ONECUT3: variants seen among roughly 807,000 people sequenced by gnomAD.
ONECUT3 encodes one cut homeobox 3, also known as one cut domain family member 3.
ONECUT3 carries 11 observed loss-of-function variants against 16.8 expected under a neutral mutation model. That is an observed-to-expected ratio of 0.66 (90% confidence interval 0.41 to 1.09). The LOEUF is 1.09. ONECUT3 is among the 50% of genes least tolerant of loss of function. The pLI is 0.00. For missense variants in ONECUT3, 637 were observed against 629.9 expected, an observed-to-expected ratio of 1.01 and a Z score of -0.12; for synonymous variants, 344 against 310.7, an observed-to-expected ratio of 1.11 and a Z score of -1.13.
rs2067934857 is a variant in ONECUT3 at position 1,759,495 on chromosome 19, G to A, written c.1192+4641G>A. Among the ~76,000 whole-genome samples, 1 of 151,982 alleles carries A rather than the reference G, an allele frequency of 6.6e-6. No homozygotes were observed. The highest frequency in any genetic ancestry group is 6.6e-5 in the Admixed American group (1 of 15,248). On this transcript the variant is annotated intron_variant, in intron 1 of 1. Transcript: ENST00000382349. The surrounding 1 kb of genome is among the most constrained non-coding windows in gnomAD (Gnocchi z 4.1). ...ATGAGCAGGGAGAGGAGGAGGAGGA[G>A]GAGAGGGAAGGGAGGGAAGGAAGGG... is the stretch of plus-strand genomic sequence containing the variant.
In ONECUT3 at chr19:1,775,915, TC is replaced by T. The variant is rs908015382; in HGVS notation, c.*474del. On this transcript the variant is annotated 3_prime_UTR_variant, in exon 2 of 2. Transcript: ENST00000382349. ...GGGAGGTAGTAGAAAACTTCCTTCC[TC>T]CCCACCCGCCCCGGCCCCCTCCCCA... 2.0e-5 allele frequency: 3 copies of T among 146,526 alleles called. No individual in the cohort carries two copies. The highest frequency in any genetic ancestry group is 7.6e-5 in the African/African-American group (3 of 39,490). 9.1% of individuals were successfully genotyped at this position (146,526 alleles called of 1,614,324 possible).
In ONECUT3 at chr19:1,766,326, G is replaced by A. The variant is rs533463417; in HGVS notation, c.1193-8827G>A. On this transcript the variant is annotated intron_variant, in intron 1 of 1. Transcript: ENST00000382349. This position sits in a 1 kb window ranked among gnomAD's most constrained non-coding sequence, Gnocchi z 4.0. Reference sequence around the variant, plus strand: ...CCCGCACGCGGCCAACGTCAGGCGCGCGCAGAGGCACCCACGGGCCCGCCT... The same window carrying A: ...CCCGCACGCGGCCAACGTCAGGCGCACGCAGAGGCACCCACGGGCCCGCCT... 2.4e-4 allele frequency among the ~76,000 whole-genome samples: 37 copies of A among 152,292 alleles called. No homozygotes were observed. The East Asian group carries it at 6.8e-3, about 28-fold the overall frequency.
intron 1 of ONECUT3, among the ~76,000 whole-genome samples, chr19:1,772,301 C>A (rs2068062508): frequency 6.6e-6 from 1 of 152,034 alleles, no homozygotes; most frequent in African/African-American, 2.4e-5. Context: ...GAATGAGCCA[C>A]CATGCCCAGT....
At position 1,754,074 on chromosome 19, in the gene ONECUT3, G is replaced by A. The variant is rs1041510661; in HGVS notation, c.412G>A (p.Gly138Ser). 2 of 999,314 alleles carry A rather than the reference G, an allele frequency of 2.0e-6. No individual in the cohort carries two copies. Among genetic ancestry groups the A allele is most frequent in the African/African-American group, 3.5e-5 (2 of 56,870 alleles). 61.9% of individuals were successfully genotyped at this position (999,314 alleles called of 1,614,324 possible). Residue 138 changes from glycine (G) to serine (S), a missense_variant, in exon 1 of 2, where the codon GGC (glycine) becomes AGC (serine). Gly to Ser is a moderately conservative substitution (Grantham distance 56). Transcript: ENST00000382349. The surrounding 1 kb of genome is among the most constrained non-coding windows in gnomAD (Gnocchi z 7.4). ...AAAAAVAGAHGGHPHAHPHPA... is the reference protein window; with the variant it reads ...AAAAAVAGAHSGHPHAHPHPA... Reference sequence around the variant, plus strand: ...GGCCGCGGCCGTGGCCGGGGCGCACGGCGGCCATCCCCACGCGCACCCGCA... The same window carrying A: ...GGCCGCGGCCGTGGCCGGGGCGCACAGCGGCCATCCCCACGCGCACCCGCA...
rs530381385 is a variant in ONECUT3 at position 1,758,909 on chromosome 19, T to G, written c.1192+4055T>G. ...AATTGCAACTCCGGAGGAAAAGTAT[T>G]TTTTGTAACTGATCAGAAAAAAAAT... On this transcript the variant is annotated intron_variant, in intron 1 of 1. Coordinates refer to ENST00000382349, the MANE Select transcript of ONECUT3 (RefSeq NM_001080488.2). The surrounding 1 kb of genome is among the most constrained non-coding windows in gnomAD (Gnocchi z 5.9). Among the ~76,000 whole-genome samples, 1 of 152,080 alleles carries G rather than the reference T, an allele frequency of 6.6e-6. No homozygotes were observed. Among genetic ancestry groups the G allele is most frequent in the Non-Finnish European group, 1.5e-5 (1 of 68,000 alleles).
chr19:1,772,686 CTTTT>C (rs201848533), intron 1 of ONECUT3, among the ~76,000 whole-genome samples: 1 of 64,030 alleles, frequency 1.6e-5, no homozygotes, highest in Non-Finnish European at 2.7e-5. Flanking sequence ...CTGCTTTACT[CTTTT>C]TTTTTTTTTT....
At position 1,777,041 on chromosome 19, in the gene ONECUT3, G is replaced by GGAGAGAGAGA. The variant is rs1240199541; in HGVS notation, c.*1605_*1606insAGAGAGAGAG. ...GAGCGAAAGAGAGAGAGAGAGAGAGGGAGAGAGAGGGAGAGAAAGGGAGAG... is the reference window on the plus strand; with the variant it reads ...GAGCGAAAGAGAGAGAGAGAGAGAGGGAGAGAGAGAGAGAGAGAGGGAGAGAAAGGGAGAG... On this transcript the variant is annotated 3_prime_UTR_variant, in exon 2 of 2. Coordinates refer to ENST00000382349, the MANE Select transcript of ONECUT3 (RefSeq NM_001080488.2). 1 of 59,590 alleles carries GGAGAGAGAGA rather than the reference G, an allele frequency of 1.7e-5. No individual in the cohort carries two copies. Among genetic ancestry groups the GGAGAGAGAGA allele is most frequent in the African/African-American group, 5.5e-5 (1 of 18,024 alleles). The allele number at this position is 59,590 out of a possible 1,614,324, so 3.7% of individuals were successfully genotyped here.
At chr19:1,775,126 G>GGGCCCCCCCCCCCCCC in intron 1 of ONECUT3, 27 bp from the exon 2 acceptor site, 16 of 1,143,870 alleles carry the variant, frequency 1.4e-5, no homozygotes, top group Non-Finnish European at 1.9e-5. Flanking sequence ...TGTCCCGCTC[G>GGGCCCCCCCCCCCCCC]CCCGCCCGCC....
chr19:1,761,151 C>G (rs1244312688), intron 1 of ONECUT3, among the ~76,000 whole-genome samples: 1 of 147,996 alleles, frequency 6.8e-6, no homozygotes, highest in Non-Finnish European at 1.5e-5. Context: ...CTCCCAGGTT[C>G]AAGTGATTCT....
rs1230596150 is a variant in ONECUT3, at chr19:1,762,732, A to G, written c.1192+7878A>G. Among the ~76,000 whole-genome samples the G allele has an allele frequency of 8.8e-6, 1 of 113,940 alleles. No homozygotes were observed. The highest frequency in any genetic ancestry group is 3.4e-5 in the African/African-American group (1 of 29,344). 74.7% of individuals were successfully genotyped at this position (113,940 alleles called of 152,430 possible). A position where few individuals can be genotyped will look rare whatever the true frequency, so the allele number is the denominator to read the frequency against. On this transcript the variant is annotated intron_variant, in intron 1 of 1. Transcript: ENST00000382349. The surrounding 1 kb of genome is among the most constrained non-coding windows in gnomAD (Gnocchi z 4.4). ...AAAGCGCAGCCCCCAGCAGGCACCCACCATCCCACCCCCGCATCCCACCCC... is the reference window on the plus strand; with the variant it reads ...AAAGCGCAGCCCCCAGCAGGCACCCGCCATCCCACCCCCGCATCCCACCCC...
intron 1 of ONECUT3, among the ~76,000 whole-genome samples, chr19:1,761,818 T>C (rs1256664849): frequency 6.6e-6 from 1 of 152,158 alleles, no homozygotes; most frequent in African/African-American, 2.4e-5. Context: ...GGTGCTAATG[T>C]GAGAGGGGCT....
intron 1 of ONECUT3, among the ~76,000 whole-genome samples, chr19:1,763,026 C>T (rs1368450357): frequency 6.6e-6 from 1 of 152,104 alleles, no homozygotes; most frequent in East Asian, 1.9e-4. Flanking sequence ...TCCAGACCAG[C>T]CTGGGCAATA....
chr19:1,775,126 GCC>G, intron 1 of ONECUT3, 25 bp from the exon 2 acceptor site: 2 of 1,143,898 alleles, frequency 1.7e-6, no homozygotes, highest in Non-Finnish European at 2.4e-6. Flanking sequence ...TGTCCCGCTC[GCC>G]CGCCCGCCCG....
intron 1 of ONECUT3, among the ~76,000 whole-genome samples, chr19:1,757,140 G>GC (rs1047145693): frequency 1.3e-5 from 2 of 150,866 alleles, no homozygotes; most frequent in Admixed American, 6.6e-5. Context: ...CATGGGGGGG[G>GC]GGTGGGCTCC....
chr19:1,768,621 G>A (rs79608077), intron 1 of ONECUT3, among the ~76,000 whole-genome samples: 6,887 of 152,292 alleles, frequency 0.045, 525 homozygotes, highest in African/African-American at 0.16. Context: ...CTATCCCCCC[G>A]ACTACAGGTC....
At chr19:1,760,135 A>G (rs749798026) in intron 1 of ONECUT3, among the ~76,000 whole-genome samples, 1 of 152,184 alleles carries the variant, frequency 6.6e-6, no homozygotes, top group Non-Finnish European at 1.5e-5. Flanking sequence ...TGCGGTTCCC[A>G]TGCCCACCCT....
chr19:1,774,677 G>C (rs1359071235), intron 1 of ONECUT3, among the ~76,000 whole-genome samples: 4 of 151,040 alleles, frequency 2.6e-5, no homozygotes, highest in African/African-American at 9.7e-5. Flanking sequence ...TTTGAGGGTA[G>C]GACGGGGTTT....
chr19:1,777,023 A>G lies in ONECUT3; in HGVS notation c.*1578A>G, dbSNP rs2068115069. The G allele has an allele frequency of 1.1e-5, 1 of 87,234 alleles. No homozygotes were observed. Among genetic ancestry groups the G allele is most frequent in the East Asian group, 3.6e-4 (1 of 2,772 alleles). The allele number at this position is 87,234 out of a possible 1,614,324, so 5.4% of individuals were successfully genotyped here. A position where few individuals can be genotyped will look rare whatever the true frequency, so the allele number is the denominator to read the frequency against. On this transcript the variant is annotated 3_prime_UTR_variant, in exon 2 of 2. Transcript: ENST00000382349. ...ACCCCTTCCCGAACCTGAGAGCGAA[A>G]GAGAGAGAGAGAGAGAGGGAGAGAG...
rs1454274121 is a variant in ONECUT3, at chr19:1,780,072, T to G, written c.*4627T>G. On this transcript the variant is annotated 3_prime_UTR_variant, in exon 2 of 2. Coordinates refer to ENST00000382349, the MANE Select transcript of ONECUT3 (RefSeq NM_001080488.2). ...CAGAGGAGACAGACAATCAGCCTAT[T>G]CTTGTCTTGTTGCCCAGGGTGGTGG... is the stretch of plus-strand genomic sequence containing the variant. The G allele has an allele frequency of 6.6e-6, 1 of 152,184 alleles. No individual in the cohort carries two copies. The highest frequency in any genetic ancestry group is 2.4e-5 in the African/African-American group (1 of 41,392). The allele number at this position is 152,184 out of a possible 1,614,324, so 9.4% of individuals were successfully genotyped here. A position where few individuals can be genotyped will look rare whatever the true frequency, so the allele number is the denominator to read the frequency against.
Sources: allele counts gnomAD v4.1 joint callset (sites outside exome capture counted in the v4.1 genomes callset), GRCh38; gene constraint gnomAD v4.1.1; non-coding constraint Gnocchi (gnomAD v3.1); transcripts MANE v1.5; gene names NCBI Gene and HGNC (gene_info 2026-07-23, HGNC 2026-07-21).